The following ANTXR1 variants were observed in gnomAD, a reference collection of about 807,000 sequenced individuals.
ANTXR1 encodes the protein ANTXR cell adhesion molecule 1, also known as anthrax toxin receptor 1.
Under a neutral mutation model 78.1 loss-of-function variants are expected in ANTXR1, and 19 were observed. That is an observed-to-expected ratio of 0.24 (90% confidence interval 0.17 to 0.36). The LOEUF (loss-of-function observed/expected upper bound fraction) is 0.36. Among genes scored for constraint, ANTXR1 ranks in the 10% least tolerant of loss-of-function variants. ANTXR1 has a pLI of 1.00. For synonymous variants in ANTXR1, 273 were observed against 260.5 expected (o/e 1.05, Z -0.46); for missense variants, 518 against 718.6 (o/e 0.72, Z 3.19).
chr2:69,204,938 C>A (rs181107742), intron 17 of ANTXR1, among the ~76,000 whole-genome samples: 204 of 152,318 alleles, frequency 1.3e-3, no homozygotes, highest in South Asian at 4.6e-3. Flanking sequence ...TTACCACCAA[C>A]ACTGTGTCTA....
At chr2:69,077,973 C>T (rs1353869565) in intron 8 of ANTXR1, among the ~76,000 whole-genome samples, 1 of 152,218 alleles carries the variant, frequency 6.6e-6, no homozygotes, top group Non-Finnish European at 1.5e-5. Flanking sequence ...GCCTGGACCT[C>T]AAGAGTTTCT....
At chr2:69,172,409 C>T (rs1305820122) in intron 14 of ANTXR1, 2 of 1,608,592 alleles carry the variant, frequency 1.2e-6, no homozygotes, top group East Asian at 4.5e-5. Flanking sequence ...AAAGAAATCC[C>T]ACAGAAACAG....
At chr2:69,151,041 A>C (rs562504348) in intron 12 of ANTXR1, among the ~76,000 whole-genome samples, 2 of 152,256 alleles carry the variant, frequency 1.3e-5, no homozygotes, top group East Asian at 3.9e-4. Flanking sequence ...ATGAATAAAT[A>C]AAATTATTTG....
rs1252868935 is a variant in ANTXR1, at chr2:69,104,034, G to A, written c.802+1094G>A. Among the ~76,000 whole-genome samples the A allele has an allele frequency of 4.7e-5, 7 of 150,422 alleles. No homozygotes were observed. In the Admixed American group the frequency reaches 4.7e-4, roughly 10 times the overall value. ...GCTCACTGCAACCTCCGCCTCCCAA[G>A]TTGAAGCGATTCTCCTGCCTCAGCC... On this transcript the variant is annotated intron_variant, in intron 10 of 17. Transcript: ENST00000303714.
intron 8 of ANTXR1, among the ~76,000 whole-genome samples, chr2:69,084,539 A>G (rs1212986203): frequency 6.6e-6 from 1 of 151,488 alleles, no homozygotes; most frequent in Non-Finnish European, 1.5e-5. Flanking sequence ...ATAAAATCAT[A>G]TATGAATCCC....
intron 13 of ANTXR1, among the ~76,000 whole-genome samples, chr2:69,158,459 C>T (rs1673588174): frequency 6.6e-6 from 1 of 152,190 alleles, no homozygotes; most frequent in African/African-American, 2.4e-5. Context: ...TGGCGTTTTT[C>T]TCACACCTGT....
At chr2:69,051,027 T>G (rs1057356528) in intron 3 of ANTXR1, among the ~76,000 whole-genome samples, 8 of 152,184 alleles carry the variant, frequency 5.3e-5, no homozygotes, top group Admixed American at 1.3e-4. Context: ...GACTCACACC[T>G]ATAATCCCAG....
chr2:69,080,169 G>A (rs974622693), intron 8 of ANTXR1, among the ~76,000 whole-genome samples: 1 of 152,198 alleles, frequency 6.6e-6, no homozygotes, highest in South Asian at 2.1e-4. Flanking sequence ...TATGGCAGTT[G>A]TTCATTCGTT....
chr2:69,184,288 T>A (rs1674367074), intron 16 of ANTXR1, among the ~76,000 whole-genome samples: 1 of 152,220 alleles, frequency 6.6e-6, no homozygotes. Context: ...TGGTTTGCCA[T>A]GTTTGAAGCA....
At chr2:69,162,125 C>G (rs1365001219) in intron 13 of ANTXR1, among the ~76,000 whole-genome samples, 2 of 152,172 alleles carry the variant, frequency 1.3e-5, no homozygotes, top group Non-Finnish European at 2.9e-5. Flanking sequence ...GCCTTAAATG[C>G]ATAGCCAGGC....
At position 69,246,914 on chromosome 2, in the gene ANTXR1, A is replaced by T. The variant is rs2104538450; in HGVS notation, c.*1429A>T. On this transcript the variant is annotated 3_prime_UTR_variant, in exon 18 of 18. Transcript: ENST00000303714. ...CCTGTCCCAAGCCACCCAAATTCTC[A>T]GATCTTTTCTGGAACAAGGCAGAAT... The T allele has an allele frequency of 6.6e-6, 1 of 152,350 alleles. No individual in the cohort carries two copies. The highest frequency in any genetic ancestry group is 6.5e-5 in the Admixed American group (1 of 15,304). The allele number at this position is 152,350 out of a possible 1,614,324, so 9.4% of individuals were successfully genotyped here.
intron 3 of ANTXR1, among the ~76,000 whole-genome samples, chr2:69,047,967 T>A (rs1411898018): frequency 1.3e-5 from 2 of 152,196 alleles, no homozygotes. Context: ...CTTCCAAGAT[T>A]TCCTGGCTTC....
chr2:69,175,477 C>T (rs574146781), intron 14 of ANTXR1, among the ~76,000 whole-genome samples: 2 of 152,144 alleles, frequency 1.3e-5, no homozygotes, highest in South Asian at 2.1e-4. Context: ...TAAAAATTAG[C>T]TTGGCATGGT....
Position 69,245,252 on chromosome 2 carries a change from A to G in ANTXR1, c.1462A>G (p.Lys488Glu). Reference sequence around the variant, plus strand: ...GCGCTGCATCAACTTCACCAGGGTCAAGAACAACCAGCCAGCCAAGTACCC... The same window carrying G: ...GCGCTGCATCAACTTCACCAGGGTCGAGAACAACCAGCCAGCCAAGTACCC... ...TGRCINFTRV[K>E]NNQPAKYPLN... The change falls in exon 18 of 18, where the codon AAG becomes GAG. Residue 488 changes from lysine (K) to glutamate (E), a missense_variant. Lys to Glu is a moderately conservative substitution (Grantham distance 56, BLOSUM62 1). This residue lies in a region of ANTXR1 where 192 missense variants were observed against 230.2 expected (regional missense o/e 0.83). Transcript: ENST00000303714. 2.5e-6 allele frequency: 4 copies of G among 1,613,936 alleles called. No homozygotes were observed. The highest frequency in any genetic ancestry group is 3.4e-6 in the Non-Finnish European group (4 of 1,179,980).
At chr2:69,217,740 G>A (rs1383804612) in intron 17 of ANTXR1, among the ~76,000 whole-genome samples, 2 of 152,182 alleles carry the variant, frequency 1.3e-5, no homozygotes, top group African/African-American at 4.8e-5. Flanking sequence ...AGGCCTGGGT[G>A]GAGGGCCTGT....
At chr2:69,041,884 T>C (rs1279391824) in intron 2 of ANTXR1, among the ~76,000 whole-genome samples, 3 of 152,188 alleles carry the variant, frequency 2.0e-5, no homozygotes, top group African/African-American at 7.2e-5. Context: ...TAACCCTGCT[T>C]GGCCATGGAG....
intron 1 of ANTXR1, among the ~76,000 whole-genome samples, chr2:69,030,412 C>T (rs1240689908): frequency 6.6e-6 from 1 of 152,104 alleles, no homozygotes; most frequent in Non-Finnish European, 1.5e-5. Flanking sequence ...CACAAAACTT[C>T]CCACCAACTT....
intron 8 of ANTXR1, among the ~76,000 whole-genome samples, chr2:69,079,576 G>A (rs1670839447): frequency 1.3e-5 from 2 of 152,110 alleles, no homozygotes; most frequent in African/African-American, 4.8e-5. Context: ...CAGGAGTAAT[G>A]GAAAATAAGC....
chr2:69,127,487 G>A (rs1343050898), intron 12 of ANTXR1, among the ~76,000 whole-genome samples: 1 of 152,102 alleles, frequency 6.6e-6, no homozygotes, highest in Non-Finnish European at 1.5e-5. Context: ...GGTGCCTGGG[G>A]ATAGGATGTG....
Sources: allele counts gnomAD v4.1 joint callset (sites outside exome capture counted in the v4.1 genomes callset), GRCh38; gene constraint gnomAD v4.1.1; regional missense constraint gnomAD v4.1.1; transcripts MANE v1.5; gene names NCBI Gene and HGNC (gene_info 2026-07-23, HGNC 2026-07-21).